Variants in DYNC1LI2 observed in about 807,000 individuals in gnomAD.
DYNC1LI2 encodes the protein cytoplasmic dynein 1 light intermediate chain 2.
Under a neutral mutation model 57.8 loss-of-function variants are expected in DYNC1LI2, and 19 were observed. That is an observed-to-expected ratio of 0.33 (90% CI 0.23 to 0.48). The LOEUF (loss-of-function observed/expected upper bound fraction) is 0.48, where lower values mean the gene tolerates loss of function less well. DYNC1LI2 is among the 20% of genes least tolerant of loss of function. The pLI, the probability that DYNC1LI2 is intolerant of heterozygous loss-of-function variation, is 0.99. For missense variants in DYNC1LI2, 470 were observed against 604.2 expected (o/e 0.78, Z 2.33); for synonymous variants, 256 against 233.4 (o/e 1.10, Z -0.88).
intron 3 of DYNC1LI2, among the ~76,000 whole-genome samples, chr16:66,743,281 G>A (rs868489193): frequency 5.3e-5 from 8 of 151,916 alleles, no homozygotes; most frequent in Non-Finnish European, 7.4e-5. Flanking sequence ...TGAGGGTATC[G>A]GACCCAGTGC....
intron 8 of DYNC1LI2, 151 bp downstream of exon 8, chr16:66,729,961 A>T: frequency 3.8e-6 from 2 of 531,274 alleles, no homozygotes; most frequent in Non-Finnish European, 6.4e-6. Context: ...TTTGTATTTT[A>T]GTGGAGATGG....
In DYNC1LI2 at chr16:66,751,210, G is replaced by A; in HGVS notation, c.181+63C>T. On this transcript the variant is annotated intron_variant, in intron 2 of 12. Coordinates refer to ENST00000258198, the MANE Select transcript of DYNC1LI2 (RefSeq NM_006141.3). The surrounding 1 kb of genome is among the most constrained non-coding windows in gnomAD (Gnocchi z 5.2). Reference sequence around the variant, plus strand: ...TGGAACGGGGAAGGCGGGGACCTGAGGGAGGGGCGCCCGCCTCGCCCACCC... The same window carrying A: ...TGGAACGGGGAAGGCGGGGACCTGAAGGAGGGGCGCCCGCCTCGCCCACCC... 1 of 1,559,186 alleles carries A rather than the reference G, an allele frequency of 6.4e-7. No homozygotes were observed. Among genetic ancestry groups the A allele is most frequent in the Non-Finnish European group, 8.7e-7 (1 of 1,146,754 alleles).
At chr16:66,734,072 G>A in intron 6 of DYNC1LI2, 146 bp downstream of exon 6, 1 of 654,252 alleles carries the variant, frequency 1.5e-6, no homozygotes, top group Non-Finnish European at 2.6e-6. Context: ...CTCCGATACA[G>A]TAAAACATAA....
At chr16:66,737,665 CAA>C (rs1186778988) in intron 4 of DYNC1LI2, among the ~76,000 whole-genome samples, 1 of 152,160 alleles carries the variant, frequency 6.6e-6, no homozygotes, top group African/African-American at 2.4e-5. Flanking sequence ...TTGGGGATCC[CAA>C]GTCACTTGTG....
chr16:66,737,203 G>A (rs557610702), intron 4 of DYNC1LI2, among the ~76,000 whole-genome samples: 1 of 152,318 alleles, frequency 6.6e-6, no homozygotes, highest in East Asian at 1.9e-4. Context: ...CTAAACCTGG[G>A]AGGTGGAGGT....
At chr16:66,745,836 G>A (rs148507679) in intron 3 of DYNC1LI2, among the ~76,000 whole-genome samples, 1 of 151,966 alleles carries the variant, frequency 6.6e-6, no homozygotes, top group African/African-American at 2.4e-5. Flanking sequence ...CTCGGGAGGT[G>A]GAGGTTGCAG....
Position 66,727,695 on chromosome 16 carries a change from G to A in DYNC1LI2, c.1254C>T (p.Asn418=). 5 of 1,614,056 alleles carry A rather than the reference G, an allele frequency of 3.1e-6. No homozygotes were observed. Among genetic ancestry groups the A allele is most frequent in the Non-Finnish European group, 3.4e-6 (4 of 1,179,956 alleles). The change falls in exon 11 of 13, where the codon AAC becomes AAT. Residue 418 remains asparagine, a synonymous_variant. Coordinates refer to ENST00000258198, the MANE Select transcript of DYNC1LI2 (RefSeq NM_006141.3). ...PGTSVKKPDP[N]IKNNAASEGV... ...CTTTTGAGGAATACATACTTTTGAT[G>A]TTTGGGTCCGGCTTTTTTACTGACG...
rs919641806 is a variant in DYNC1LI2 at position 66,722,362 on chromosome 16, C to A, written c.*1360G>T. On this transcript the variant is annotated 3_prime_UTR_variant, in exon 13 of 13. Coordinates refer to ENST00000258198, the MANE Select transcript of DYNC1LI2 (RefSeq NM_006141.3). ...TCCCTTGGTTTGACAACATTTTATACATTAAATTCATGGTAGTGTTTGCAT... is the reference window on the plus strand; with the variant it reads ...TCCCTTGGTTTGACAACATTTTATAAATTAAATTCATGGTAGTGTTTGCAT... 6.6e-6 allele frequency: 1 copy of A among 152,568 alleles called. No individual in the cohort carries two copies. The highest frequency in any genetic ancestry group is 1.5e-5 in the Non-Finnish European group (1 of 68,030). 9.5% of individuals were successfully genotyped at this position (152,568 alleles called of 1,614,324 possible). A position where few individuals can be genotyped will look rare whatever the true frequency, so the allele number is the denominator to read the frequency against.
intron 12 of DYNC1LI2, among the ~76,000 whole-genome samples, chr16:66,724,030 C>T (rs2017495238): frequency 6.6e-6 from 1 of 152,124 alleles, no homozygotes; most frequent in Admixed American, 6.6e-5. Flanking sequence ...CCAGTGCTTC[C>T]TCCAACTCCA....
In DYNC1LI2 at chr16:66,723,364, T is replaced by A. The variant is rs1478824185; in HGVS notation, c.*358A>T. The A allele has an allele frequency of 8.6e-6, 4 of 467,204 alleles. No individual in the cohort carries two copies. The highest frequency in any genetic ancestry group is 1.7e-5 in the Non-Finnish European group (4 of 234,164). 28.9% of individuals were successfully genotyped at this position (467,204 alleles called of 1,614,324 possible). On this transcript the variant is annotated 3_prime_UTR_variant, in exon 13 of 13. Coordinates refer to ENST00000258198, the MANE Select transcript of DYNC1LI2 (RefSeq NM_006141.3). ...TTTACTAACATGAAACTGGTCAGAC[T>A]AACCATCATCTTACCAATGATTTCT...
chr16:66,727,563 C>T (rs975936250), intron 11 of DYNC1LI2, 125 bp downstream of exon 11: 13 of 840,780 alleles, frequency 1.5e-5, no homozygotes, highest in African/African-American at 1.5e-4. Context: ...TAGCCCTTAT[C>T]GGGGAAGAGA....
At chr16:66,724,861 GAAC>G (rs1431506680) in intron 12 of DYNC1LI2, 2 of 152,122 alleles carry the variant, frequency 1.3e-5, no homozygotes, top group East Asian at 1.9e-4. Flanking sequence ...CACTGGTTCA[GAAC>G]AACTAAGGCT....
intron 4 of DYNC1LI2, among the ~76,000 whole-genome samples, chr16:66,741,260 G>A (rs1194336492): frequency 6.6e-6 from 1 of 152,124 alleles, no homozygotes; most frequent in Non-Finnish European, 1.5e-5. Context: ...GATGAAAGCA[G>A]GTCTTCAGAC....
chr16:66,727,048 G>A (rs2017548891), intron 11 of DYNC1LI2, among the ~76,000 whole-genome samples: 1 of 152,002 alleles, frequency 6.6e-6, no homozygotes, highest in African/African-American at 2.4e-5. Context: ...CACTTGAGTA[G>A]ATGGGACTAC....
At chr16:66,738,506 T>A (rs2144992105) in intron 4 of DYNC1LI2, among the ~76,000 whole-genome samples, 1 of 151,750 alleles carries the variant, frequency 6.6e-6, no homozygotes, top group African/African-American at 2.4e-5. Context: ...CACCTCAGTC[T>A]CCCAAAGTGC....
intron 4 of DYNC1LI2, chr16:66,738,238 CTTCTTT>C: frequency 1.5e-5 from 2 of 130,256 alleles, no homozygotes; most frequent in African/African-American, 5.9e-5. Flanking sequence ...ATCTCTACAG[CTTCTTT>C]TTTTTTTTTT....
intron 11 of DYNC1LI2, among the ~76,000 whole-genome samples, chr16:66,727,368 AG>A (rs1423505418): frequency 1.3e-5 from 2 of 152,230 alleles, no homozygotes; most frequent in Non-Finnish European, 2.9e-5. Flanking sequence ...GCTGGGTGAC[AG>A]AGTGAGACCC....
chr16:66,744,762 G>A (rs909735857), intron 3 of DYNC1LI2, among the ~76,000 whole-genome samples: 2 of 152,062 alleles, frequency 1.3e-5, no homozygotes, highest in East Asian at 1.9e-4. Flanking sequence ...GTTTCACCAC[G>A]TTGGCCAGGC....
intron 2 of DYNC1LI2, among the ~76,000 whole-genome samples, chr16:66,750,289 T>C (rs1302422586): frequency 2.0e-5 from 3 of 152,282 alleles, no homozygotes; most frequent in East Asian, 3.9e-4. Flanking sequence ...ATTCTAACAG[T>C]AGGAAAACTA....
Sources: allele counts gnomAD v4.1 joint callset (sites outside exome capture counted in the v4.1 genomes callset), GRCh38; gene constraint gnomAD v4.1.1; non-coding constraint Gnocchi (gnomAD v3.1); transcripts MANE v1.5; gene names NCBI Gene and HGNC (gene_info 2026-07-23, HGNC 2026-07-21).